The following DENND4C variants were observed in gnomAD, a reference collection of about 807,000 sequenced individuals.
The protein encoded by DENND4C is DENN domain-containing protein 4C.
Under a neutral mutation model 203.0 loss-of-function variants are expected in DENND4C, and 108 were observed. The observed-to-expected ratio is 0.53, with a 90% CI of 0.46 to 0.62. The LOEUF (loss-of-function observed/expected upper bound fraction) is 0.62. Ranked by LOEUF, DENND4C falls within the 20% of genes least tolerant of loss-of-function variation. The pLI, the probability that DENND4C is intolerant of heterozygous loss-of-function variation, is 0.00. For synonymous variants in DENND4C, 871 were observed against 792.4 expected, an observed-to-expected ratio of 1.10 and a Z score of -1.67; for missense variants, 2,481 against 2,301.2, an observed-to-expected ratio of 1.08 and a Z score of -1.60.
intron 29 of DENND4C, among the ~76,000 whole-genome samples, 176 bp downstream of exon 29, chr9:19,360,665 T>C (rs1227999547): frequency 6.6e-6 from 1 of 152,220 alleles, no homozygotes; most frequent in Non-Finnish European, 1.5e-5. Context: ...GATCCTTTTA[T>C]ATTTTTGTTT....
intron 2 of DENND4C, among the ~76,000 whole-genome samples, chr9:19,284,224 T>C (rs1403170469): frequency 2.0e-5 from 3 of 152,208 alleles, no homozygotes; most frequent in Non-Finnish European, 2.9e-5. Flanking sequence ...CTATACCCTA[T>C]TTTGTACTTT....
At chr9:19,272,944 C>CT (rs1564107230) in intron 1 of DENND4C, among the ~76,000 whole-genome samples, 21 of 105,934 alleles carry the variant, frequency 2.0e-4, no homozygotes, top group African/African-American at 8.0e-4. Context: ...ATTTTTGTAT[C>CT]CTTTTTTTTT....
At chr9:19,270,528 C>T (rs1218881758) in intron 1 of DENND4C, among the ~76,000 whole-genome samples, 2 of 152,214 alleles carry the variant, frequency 1.3e-5, no homozygotes, top group Non-Finnish European at 2.9e-5. Flanking sequence ...GTTGGCATTA[C>T]ATTCTTTTTG....
intron 10 of DENND4C, among the ~76,000 whole-genome samples, chr9:19,311,826 T>C (rs1487222981): frequency 6.6e-6 from 1 of 152,212 alleles, no homozygotes; most frequent in Non-Finnish European, 1.5e-5. Context: ...ATGCATTCAC[T>C]GCAGTTAGAA....
intron 31 of DENND4C, chr9:19,370,191 C>A: frequency 1.7e-6 from 1 of 581,444 alleles, no homozygotes. Flanking sequence ...GGCACGGTGG[C>A]TCACACCTGT....
intron 3 of DENND4C, 123 bp from the exon 4 acceptor site, chr9:19,288,473 C>T: frequency 2.1e-6 from 1 of 478,016 alleles, no homozygotes; most frequent in East Asian, 3.6e-5. Flanking sequence ...CTGCATAGTT[C>T]ATTATATAAA....
At position 19,348,892 on chromosome 9, in the gene DENND4C, T is replaced by G. The variant is rs1017032457; in HGVS notation, c.4317+1806T>G. On this transcript the variant is annotated intron_variant, in intron 23 of 32. Coordinates refer to ENST00000434457, the MANE Select transcript of DENND4C (RefSeq NM_001330640.2). Reference sequence around the variant, plus strand: ...GGCACAGGGATGGCTCACTGTAGCCTTGACCCCCTGGGCTCAAGCAATCCT... The same window carrying G: ...GGCACAGGGATGGCTCACTGTAGCCGTGACCCCCTGGGCTCAAGCAATCCT... Among the ~76,000 whole-genome samples the G allele has an allele frequency of 3.9e-5, 6 of 152,168 alleles. No homozygotes were observed. The East Asian group carries it at 1.2e-3, about 29-fold the overall frequency.
chr9:19,364,403 A>G (rs555125391), intron 30 of DENND4C, among the ~76,000 whole-genome samples: 1 of 152,316 alleles, frequency 6.6e-6, no homozygotes, highest in South Asian at 2.1e-4. Context: ...AAACTCAGGA[A>G]TTGCAGTTCG....
intron 1 of DENND4C, among the ~76,000 whole-genome samples, chr9:19,271,853 G>C: frequency 7.0e-6 from 1 of 142,462 alleles, no homozygotes; most frequent in South Asian, 2.2e-4. Context: ...TGGGCAAAAA[G>C]AGTGAAACTC....
At chr9:19,235,177 C>CTGG (rs1821622381) in intron 1 of DENND4C, among the ~76,000 whole-genome samples, 1 of 151,924 alleles carries the variant, frequency 6.6e-6, no homozygotes, top group Non-Finnish European at 1.5e-5. Context: ...GTTGGCCAGG[C>CTGG]TGGTCTTGAA....
intron 3 of DENND4C, among the ~76,000 whole-genome samples, chr9:19,287,775 C>T (rs1310644131): frequency 6.6e-6 from 1 of 152,196 alleles, no homozygotes; most frequent in African/African-American, 2.4e-5. Flanking sequence ...CTCTGTCGCC[C>T]AGGCTGGAGT....
chr9:19,243,103 C>T (rs900308673), intron 1 of DENND4C, among the ~76,000 whole-genome samples: 22 of 152,236 alleles, frequency 1.4e-4, no homozygotes, highest in African/African-American at 5.3e-4. Context: ...ATTTTAATCA[C>T]CCCAGAAAGA....
rs929548091 is a variant in DENND4C, at chr9:19,358,293, CTT to C, written c.5160+137_5160+138del. 5.6e-6 allele frequency: 4 copies of C among 711,234 alleles called. No individual in the cohort carries two copies. In the African/African-American group the frequency reaches 7.1e-5, roughly 13 times the overall value. The allele number at this position is 711,234 out of a possible 1,614,324, so 44.1% of individuals were successfully genotyped here. On this transcript the variant is annotated intron_variant, in intron 28 of 32. Transcript: ENST00000434457. This position sits in a 1 kb window ranked among gnomAD's most constrained non-coding sequence, Gnocchi z 4.8. ...ATAGAGTTTTTCCATAAACAAATAA[CTT>C]TTTATTGTGGAGAATTTCAAATATG...
chr9:19,328,013 T>G lies in DENND4C; in HGVS notation c.2121-17T>G. Reference sequence around the variant, plus strand: ...GTGTGTTTTAAATCAGCAGTTCTATTTTTTTTTTTATTTTAGTTACAAATA... The same window carrying G: ...GTGTGTTTTAAATCAGCAGTTCTATGTTTTTTTTTATTTTAGTTACAAATA... On this transcript the variant is annotated splice_polypyrimidine_tract_variant and intron_variant, in intron 15 of 32. Transcript: ENST00000434457. 1 of 1,558,500 alleles carries G rather than the reference T, an allele frequency of 6.4e-7. No homozygotes were observed. Among genetic ancestry groups the G allele is most frequent in the African/African-American group, 1.4e-5 (1 of 71,664 alleles).
intron 10 of DENND4C, among the ~76,000 whole-genome samples, chr9:19,310,079 C>G (rs772400296): frequency 6.6e-6 from 1 of 152,110 alleles, no homozygotes; most frequent in Non-Finnish European, 1.5e-5. Flanking sequence ...TTAAATTAGA[C>G]TTTCTACTTG....
rs909182987 is a variant in DENND4C, at chr9:19,355,036, A to G, written c.4782-1936A>G. Among the ~76,000 whole-genome samples, 38 of 151,362 alleles carry G rather than the reference A, an allele frequency of 2.5e-4. 2 individuals are homozygous for G. Among genetic ancestry groups the G allele is most frequent in the Admixed American group, 6.6e-5 (1 of 15,204 alleles). On this transcript the variant is annotated intron_variant, in intron 26 of 32. Coordinates refer to ENST00000434457, the MANE Select transcript of DENND4C (RefSeq NM_001330640.2). The stretch of plus-strand genomic sequence containing the variant: ...GCCATCCTCCTGCCTCAGCCTCCCA[A>G]GTAGCTGGGACTACAGGCACCCACC...
In DENND4C at chr9:19,257,106, G is replaced by T. The variant is rs1391094015; in HGVS notation, c.-17-19052G>T. ...AGGAAATATATTTTGATCCAGGTGAGGTTTCAGAAAACAGAGTGAAGAAAA... is the reference window on the plus strand; with the variant it reads ...AGGAAATATATTTTGATCCAGGTGATGTTTCAGAAAACAGAGTGAAGAAAA... On this transcript the variant is annotated intron_variant, in intron 1 of 32. Transcript: ENST00000434457. Among the ~76,000 whole-genome samples, 5 of 150,938 alleles carry T rather than the reference G, an allele frequency of 3.3e-5. 1 individual carries two copies. Among genetic ancestry groups the T allele is most frequent in the African/African-American group, 9.8e-5 (4 of 41,014 alleles).
chr9:19,250,584 C>G (rs1826314264), intron 1 of DENND4C, among the ~76,000 whole-genome samples: 1 of 152,140 alleles, frequency 6.6e-6, no homozygotes. Flanking sequence ...AAAGTCTCAT[C>G]TGAGACAAGG....
chr9:19,288,013 C>T (rs542056350), intron 3 of DENND4C, among the ~76,000 whole-genome samples: 2 of 152,308 alleles, frequency 1.3e-5, no homozygotes, highest in Admixed American at 6.5e-5. Flanking sequence ...GGATTACAGG[C>T]GCAAGCCACC....
Sources: allele counts gnomAD v4.1 joint callset (sites outside exome capture counted in the v4.1 genomes callset), GRCh38; gene constraint gnomAD v4.1.1; non-coding constraint Gnocchi (gnomAD v3.1); transcripts MANE v1.5; gene names NCBI Gene and HGNC (gene_info 2026-07-23, HGNC 2026-07-21).